The following CACNA2D1 variants were observed in gnomAD, a reference collection of about 807,000 sequenced individuals.
CACNA2D1 encodes voltage-dependent calcium channel subunit alpha-2/delta-1.
In CACNA2D1, 53 loss-of-function variants were observed where a neutral mutation model predicts 171.5. That is an observed-to-expected ratio of 0.31 (90% confidence interval 0.25 to 0.39). The LOEUF (loss-of-function observed/expected upper bound fraction) is 0.39, where lower values mean the gene tolerates loss of function less well. CACNA2D1 is among the 10% of genes least tolerant of loss of function. The pLI, the probability that CACNA2D1 is intolerant of heterozygous loss-of-function variation, is 1.00. For synonymous variants in CACNA2D1, 442 were observed against 443.1 expected (o/e 1.00, Z 0.03); for missense variants, 903 against 1,299.8 (o/e 0.69, Z 4.69).
At chr7:82,337,537 A>G (rs1818142612) in intron 2 of CACNA2D1, among the ~76,000 whole-genome samples, 1 of 152,232 alleles carries the variant, frequency 6.6e-6, no homozygotes, top group Non-Finnish European at 1.5e-5. Context: ...TCATATATTA[A>G]TATTTCAAAC....
intron 3 of CACNA2D1, among the ~76,000 whole-genome samples, chr7:82,222,850 G>T (rs76235280): frequency 0.01 from 1,479 of 145,684 alleles, 24 homozygotes; most frequent in African/African-American, 0.035. Context: ...ATCAAAATTA[G>T]TTTTTTTTCC....
intron 24 of CACNA2D1, among the ~76,000 whole-genome samples, chr7:81,975,312 A>G (rs1795726543): frequency 1.3e-5 from 2 of 152,166 alleles, no homozygotes. Context: ...ACATGTTAAT[A>G]TATTTTAATA....
rs1024023248 is a variant in CACNA2D1, at chr7:81,985,315, C to A, written c.1797-604G>T. On this transcript the variant is annotated intron_variant, in intron 21 of 38. Coordinates refer to ENST00000356860, the MANE Select transcript of CACNA2D1 (RefSeq NM_000722.4). ...CCCCTGGGCTCAATCGATCCTCCCA[C>A]CTCAGCCCCCGAAGTAGCTGGGACC... is the stretch of plus-strand genomic sequence containing the variant. Among the ~76,000 whole-genome samples, 3 of 151,340 alleles carry A rather than the reference C, an allele frequency of 2.0e-5. No homozygotes were observed. In the South Asian group the frequency reaches 6.3e-4, roughly 32 times the overall value.
At chr7:82,027,143 A>G (rs1802031969) in intron 12 of CACNA2D1, among the ~76,000 whole-genome samples, 1 of 151,612 alleles carries the variant, frequency 6.6e-6, no homozygotes, top group Non-Finnish European at 1.5e-5. Context: ...TGACAGCACA[A>G]GAGGGATATA....
At chr7:82,233,446 T>G (rs573509258) in intron 3 of CACNA2D1, among the ~76,000 whole-genome samples, 8 of 152,286 alleles carry the variant, frequency 5.3e-5, no homozygotes, top group African/African-American at 1.9e-4. Flanking sequence ...CACCAGAGAT[T>G]AGTTTTGCCT....
chr7:82,361,684 A>G (rs1821095727), intron 1 of CACNA2D1, among the ~76,000 whole-genome samples: 1 of 152,186 alleles, frequency 6.6e-6, no homozygotes, highest in African/African-American at 2.4e-5. Flanking sequence ...AGAAGCTTGC[A>G]TATCATACGC....
At chr7:82,066,164 C>A (rs1055623389) in intron 8 of CACNA2D1, among the ~76,000 whole-genome samples, 6 of 152,084 alleles carry the variant, frequency 3.9e-5, no homozygotes, top group Non-Finnish European at 8.8e-5. Flanking sequence ...AACTGGATCC[C>A]TGCCATAGAA....
chr7:82,124,382 A>G lies in CACNA2D1; in HGVS notation c.397-7209T>C, dbSNP rs191476410. 2.0e-4 allele frequency among the ~76,000 whole-genome samples: 30 copies of G among 152,154 alleles called. 1 individual carries two copies. The East Asian group carries it at 5.8e-3, about 30-fold the overall frequency. The stretch of plus-strand genomic sequence containing the variant: ...TACCTCTGATTGGTCCCCTCCCACA[A>G]CCAATCAGACTGGTCACAGTCTTTA... On this transcript the variant is annotated intron_variant, in intron 5 of 38. Transcript: ENST00000356860.
chr7:82,243,099 T>G (rs977943064), intron 3 of CACNA2D1, among the ~76,000 whole-genome samples: 1 of 152,156 alleles, frequency 6.6e-6, no homozygotes, highest in Non-Finnish European at 1.5e-5. Flanking sequence ...TCTGTTTAAA[T>G]TCTGTATAAA....
At chr7:82,028,300 C>T (rs1054510239) in intron 12 of CACNA2D1, 1 of 151,748 alleles carries the variant, frequency 6.6e-6, no homozygotes, top group Non-Finnish European at 1.5e-5. Flanking sequence ...GCATGGTTTA[C>T]TGAATATTTT....
chr7:82,318,855 A>G (rs1415535275), intron 3 of CACNA2D1, among the ~76,000 whole-genome samples: 2 of 150,640 alleles, frequency 1.3e-5, no homozygotes, highest in Non-Finnish European at 3.0e-5. Context: ...AGAAAGAGGA[A>G]GAAGAAGGGA....
At chr7:82,438,629 T>C (rs992597612) in intron 1 of CACNA2D1, among the ~76,000 whole-genome samples, 5 of 152,284 alleles carry the variant, frequency 3.3e-5, no homozygotes, top group Non-Finnish European at 7.4e-5. Flanking sequence ...CCATTCCTAG[T>C]TTACTGGAAA....
At chr7:82,137,812 G>A (rs1282007385) in intron 4 of CACNA2D1, among the ~76,000 whole-genome samples, 4 of 151,734 alleles carry the variant, frequency 2.6e-5, no homozygotes, top group East Asian at 3.9e-4. Flanking sequence ...CCCAGGAGGC[G>A]GAGCTTGCAG....
At chr7:82,150,428 A>C (rs1204928305) in intron 4 of CACNA2D1, among the ~76,000 whole-genome samples, 4 of 151,838 alleles carry the variant, frequency 2.6e-5, no homozygotes, top group Admixed American at 6.6e-5. Flanking sequence ...CCCTTAAAAA[A>C]AAAAAAAAAA....
intron 3 of CACNA2D1, among the ~76,000 whole-genome samples, chr7:82,286,993 G>A (rs760895381): frequency 7.2e-5 from 11 of 152,122 alleles, no homozygotes; most frequent in Non-Finnish European, 1.0e-4. Context: ...TAACAAGCAC[G>A]CACAGATTTA....
At chr7:82,231,963 A>C (rs931360416) in intron 3 of CACNA2D1, among the ~76,000 whole-genome samples, 15 of 152,256 alleles carry the variant, frequency 9.9e-5, no homozygotes, top group Admixed American at 8.5e-4. Context: ...TTTTTAAATT[A>C]TGTAATACCC....
intron 4 of CACNA2D1, among the ~76,000 whole-genome samples, chr7:82,141,387 G>A (rs1047024652): frequency 1.3e-5 from 2 of 150,676 alleles, no homozygotes; most frequent in Non-Finnish European, 3.0e-5. Context: ...AAAAAAAAAT[G>A]AAGTTAAATG....
intron 3 of CACNA2D1, among the ~76,000 whole-genome samples, chr7:82,327,800 G>A (rs1816830156): frequency 6.6e-6 from 1 of 152,152 alleles, no homozygotes; most frequent in South Asian, 2.1e-4. Flanking sequence ...ACTCTCTGGG[G>A]CTGATCGATG....
chr7:82,400,843 T>A (rs1826315075), intron 1 of CACNA2D1, among the ~76,000 whole-genome samples: 1 of 151,126 alleles, frequency 6.6e-6, no homozygotes, highest in Non-Finnish European at 1.5e-5. Context: ...TACAATGAAC[T>A]CAAACAAATT....
Sources: gnomAD v4.1 joint callset for allele counts (sites outside exome capture counted in the v4.1 genomes callset) on GRCh38, gnomAD v4.1.1 for gene constraint, MANE v1.5 for transcripts, NCBI Gene and HGNC (gene_info 2026-07-23, HGNC 2026-07-21) for gene names.